The following EPG5 variants were observed in gnomAD, a reference collection of about 807,000 sequenced individuals.
EPG5 encodes the protein ectopic P-granules 5 autophagy tethering factor, also known as ectopic P granules protein 5 homolog.
EPG5 carries 159 observed loss-of-function variants against 302.7 expected under a neutral mutation model. The observed-to-expected ratio is 0.53, with a 90% CI of 0.46 to 0.60. EPG5 has a LOEUF of 0.60. Ranked by LOEUF, EPG5 falls within the 20% of genes least tolerant of loss-of-function variation. The probability of loss-of-function intolerance (pLI) is 0.00; values close to 1 mark genes in which losing one functional copy is unlikely to be tolerated. For synonymous variants in EPG5, 1,158 were observed against 1,136.8 expected (o/e 1.02, Z -0.37); for missense variants, 2,896 against 3,092.4 (o/e 0.94, Z 1.51).
At chr18:45,939,556 G>A in intron 10 of EPG5, 44 bp downstream of exon 10, 1 of 1,588,814 alleles carries the variant, frequency 6.3e-7, no homozygotes, top group Non-Finnish European at 8.6e-7. Context: ...TCTTACTAGT[G>A]AGGAAGTTAC....
intron 39 of EPG5, 89 bp downstream of exon 39, chr18:45,865,526 T>C (rs1381923468): frequency 7.2e-7 from 1 of 1,384,846 alleles, no homozygotes; most frequent in Non-Finnish European, 1.0e-6. Flanking sequence ...AGTGCCAGTG[T>C]CCTGAACATC....
rs544355003 is a variant in EPG5, at chr18:45,920,089, G to A, written c.3098+2252C>T. On this transcript the variant is annotated intron_variant, in intron 16 of 43. Transcript: ENST00000282041. ...CAACATGAATCACAGGCGTCAGTGA[G>A]AAGTGTTTCCTCATCATTTCCCTTC... Among the ~76,000 whole-genome samples, 7 of 152,300 alleles carry A rather than the reference G, an allele frequency of 4.6e-5. No homozygotes were observed. The East Asian group carries it at 1.3e-3, about 29-fold the overall frequency.
rs1361044131 is a variant in EPG5, at chr18:45,917,775, A to G, written c.3143T>C (p.Leu1048Pro). The change falls in exon 17 of 44, where the codon CTG becomes CCG. Residue 1048 changes from leucine to proline, a missense_variant. Leu to Pro is a moderately conservative substitution (Grantham distance 98). Coordinates refer to ENST00000282041, the MANE Select transcript of EPG5 (RefSeq NM_020964.3). Reference protein sequence around the residue: ...CAEGIPLLGILVQSRHLRTVV... With the variant: ...CAEGIPLLGIPVQSRHLRTVV... ...TGTTCTCAAATGTCTTGACTGGACC[A>G]GAATTCCCAATAGTGGGATGCCTTC... The G allele has an allele frequency of 6.2e-7, 1 of 1,614,070 alleles. No individual in the cohort carries two copies. Among genetic ancestry groups the G allele is most frequent in the Non-Finnish European group, 8.5e-7 (1 of 1,180,006 alleles).
intron 24 of EPG5, 26 bp downstream of exon 24, chr18:45,907,932 A>T: frequency 6.5e-7 from 1 of 1,541,900 alleles, no homozygotes; most frequent in Non-Finnish European, 8.6e-7. Flanking sequence ...AAAAAAAAAA[A>T]AAAAAAAGGA....
At chr18:45,912,142 G>C (rs1433028538) in intron 22 of EPG5, 148 bp downstream of exon 22, 10 of 660,192 alleles carry the variant, frequency 1.5e-5, no homozygotes, top group Non-Finnish European at 2.3e-5. Flanking sequence ...TCTAATAAAT[G>C]TCAAACATAG....
chr18:45,966,501 C>G (rs534507026), intron 1 of EPG5, among the ~76,000 whole-genome samples: 2 of 144,118 alleles, frequency 1.4e-5, no homozygotes, highest in South Asian at 4.2e-4. Context: ...AAATGAAAAT[C>G]CAGACTGCAC....
At chr18:45,916,616 C>G (rs1417164838) in intron 17 of EPG5, 34 bp from the exon 18 acceptor site, 45 of 1,551,936 alleles carry the variant, frequency 2.9e-5, no homozygotes, top group Non-Finnish European at 3.8e-5. Flanking sequence ...ACTTTACCTT[C>G]CGATCAGAAC....
chr18:45,951,445 A>T (rs1234539708), intron 3 of EPG5, among the ~76,000 whole-genome samples: 1 of 149,128 alleles, frequency 6.7e-6, no homozygotes, highest in African/African-American at 2.5e-5. Flanking sequence ...ATAATGGAAA[A>T]ATCAACCTCA....
intron 36 of EPG5, 116 bp downstream of exon 36, chr18:45,870,451 T>G: frequency 6.4e-6 from 5 of 778,792 alleles, no homozygotes; most frequent in Non-Finnish European, 9.4e-6. Context: ...CAACACAGAA[T>G]GTATTCATGG....
At chr18:45,954,199 T>G (rs1443197305) in intron 2 of EPG5, among the ~76,000 whole-genome samples, 195 bp downstream of exon 2, 1 of 152,194 alleles carries the variant, frequency 6.6e-6, no homozygotes, top group African/African-American at 2.4e-5. Flanking sequence ...CAGTGACCAT[T>G]GTCCCACTCA....
the EPG5 span, among the ~76,000 whole-genome samples, chr18:45,810,728 C>A: frequency 6.6e-6 from 1 of 152,110 alleles, no homozygotes; most frequent in Admixed American, 6.5e-5. Context: ...TTGCAGTGAG[C>A]CGAAATAGTG....
At chr18:45,815,324 G>T in the EPG5 span, among the ~76,000 whole-genome samples, 1 of 151,854 alleles carries the variant, frequency 6.6e-6, no homozygotes, top group Non-Finnish European at 1.5e-5. Context: ...AGGGCTTGGA[G>T]AACTCACTAC....
rs1374957704 is a variant in EPG5 at position 45,943,280 on chromosome 18, T to C, written c.1824A>G (p.Gln608=). The C allele has an allele frequency of 2.5e-6, 4 of 1,613,912 alleles. No homozygotes were observed. The highest frequency in any genetic ancestry group is 2.7e-5 in the African/African-American group (2 of 74,902). The change falls in exon 9 of 44, where the codon CAA becomes CAG. Residue 608 remains glutamine (Q), a synonymous_variant. Transcript: ENST00000282041. ...GDYLPETTRP[Q]EMMKIFAFAN... Reference sequence around the variant, plus strand: ...CAAAGGCAAAAATTTTCATCATCTCTTGAGGTCTTGTTGTTTCAGGTAAAT... The same window carrying C: ...CAAAGGCAAAAATTTTCATCATCTCCTGAGGTCTTGTTGTTTCAGGTAAAT...
At chr18:45,965,381 C>T (rs2051226516) in intron 1 of EPG5, among the ~76,000 whole-genome samples, 1 of 152,158 alleles carries the variant, frequency 6.6e-6, no homozygotes, top group Non-Finnish European at 1.5e-5. Context: ...AAATAATCTG[C>T]ACACTAAACC....
rs2050940934 is a variant in EPG5 at position 45,952,770 on chromosome 18, A to C, written c.1009-127T>G. The C allele has an allele frequency of 1.7e-5, 17 of 972,738 alleles. No homozygotes were observed. The South Asian group carries it at 2.7e-4, about 15-fold the overall frequency. 60.3% of individuals were successfully genotyped at this position (972,738 alleles called of 1,614,324 possible). A position where few individuals can be genotyped will look rare whatever the true frequency, so the allele number is the denominator to read the frequency against. On this transcript the variant is annotated intron_variant, in intron 2 of 43. Transcript: ENST00000282041. ...AAGAGCTTATAATCATGGTGAGGAG[A>C]CATATTACTGTGTAGAGAACATTAC...
chr18:45,947,152 C>T (rs952944373), intron 6 of EPG5, among the ~76,000 whole-genome samples: 3 of 152,146 alleles, frequency 2.0e-5, no homozygotes, highest in Admixed American at 6.6e-5. Flanking sequence ...TGGTGGCTCA[C>T]GCCTGTAATC....
At chr18:45,840,463 C>G in the EPG5 span, among the ~76,000 whole-genome samples, 1 of 152,222 alleles carries the variant, frequency 6.6e-6, no homozygotes, top group African/African-American at 2.4e-5. Context: ...TCCTCCCCCA[C>G]GACTCCAGGC....
At chr18:45,831,342 C>T in the EPG5 span, among the ~76,000 whole-genome samples, 1,225 of 152,276 alleles carry the variant, frequency 8.0e-3, 11 homozygotes, top group African/African-American at 0.026. Flanking sequence ...CTAAAATTTG[C>T]CTCCCTCATT....
the EPG5 span, chr18:45,838,913 A>G: frequency 8.1e-6 from 13 of 1,602,668 alleles, no homozygotes; most frequent in Non-Finnish European, 1.1e-5. Context: ...GCACTGACCC[A>G]TGACGGCCGC....
Sources: gnomAD v4.1 joint callset for allele counts (sites outside exome capture counted in the v4.1 genomes callset) on GRCh38, gnomAD v4.1.1 for gene constraint, MANE v1.5 for transcripts, NCBI Gene and HGNC (gene_info 2026-07-23, HGNC 2026-07-21) for gene names.